SSX1: variants seen among roughly 807,000 people sequenced by gnomAD.
SSX1 encodes the protein protein SSX1.
SSX1 carries 58 observed loss-of-function variants against 14.6 expected under a neutral mutation model. That is an observed-to-expected ratio of 3.96 (90% CI 3.21 to 4.93). The LOEUF is 4.93. Ranked by LOEUF, SSX1 falls within the 30% of genes most tolerant of loss-of-function variation. The pLI, the probability that SSX1 is intolerant of heterozygous loss-of-function variation, is 0.00. For missense variants in SSX1, 272 were observed against 143.1 expected, an observed-to-expected ratio of 1.90 and a Z score of -4.60; for synonymous variants, 46 against 52.1, an observed-to-expected ratio of 0.88 and a Z score of 0.50.
At chrX:48,259,720 C>T (rs1310886415) in intron 4 of SSX1, among the ~76,000 whole-genome samples, 4 of 109,916 alleles carry the variant, frequency 3.6e-5, no homozygotes, top group African/African-American at 1.3e-4. Flanking sequence ...TTTGTTCTTG[C>T]AATAGTTTAC....
In SSX1 at chrX:48,257,842, A is replaced by G. The variant is rs782504961; in HGVS notation, c.166A>G (p.Lys56Glu). The change falls in exon 3 of 8, where the codon AAG becomes GAG. Residue 56 changes from lysine (K) to glutamate (E), a missense_variant. Coordinates refer to ENST00000376919, the MANE Select transcript of SSX1 (RefSeq NM_005635.4). ...ISYVYMKRNY[K>E]AMTKLGFKVT... is the part of the protein sequence containing the mutation. ...CTATGTGTATATGAAGAGAAACTAT[A>G]AGGCCATGACTAAACTAGGTAACAG... The G allele has an allele frequency of 8.4e-6, 10 of 1,187,748 alleles. No individual in the cohort carries two copies. Among genetic ancestry groups the G allele is most frequent in the East Asian group, 3.0e-5 (1 of 33,529 alleles).
chrX:48,263,854 G>A lies in SSX1; in HGVS notation c.403G>A (p.Asp135Asn), dbSNP rs782680032. 8.3e-6 allele frequency: 10 copies of A among 1,209,801 alleles called. No individual in the cohort carries two copies. The highest frequency in any genetic ancestry group is 1.7e-5 in the African/African-American group (1 of 57,207). ...GTCAGAAGCATCTGGCCCACAAAAC[G>A]ATGGGAAACAACTGCACCCCCCAGG... ...GVSEASGPQN[D>N]GKQLHPPGKA... Residue 135 changes from aspartate to asparagine, a missense_variant, in exon 6 of 8, where the codon GAT (aspartate) becomes AAT (asparagine). Transcript: ENST00000376919.
intron 2 of SSX1, 106 bp from the exon 3 acceptor site, chrX:48,257,640 G>A (rs1193805944): frequency 1.7e-6 from 2 of 1,144,234 alleles, no homozygotes; most frequent in East Asian, 3.2e-5. Context: ...CAACCAGGAC[G>A]GATTATCATC....
At position 48,263,777 on chromosome X, in the gene SSX1, T is replaced by A. The variant is rs781854535; in HGVS notation, c.331-5T>A. 1 of 1,211,159 alleles carries A rather than the reference T, an allele frequency of 8.3e-7. No individual in the cohort carries two copies. Among genetic ancestry groups the A allele is most frequent in the Non-Finnish European group, 1.1e-6 (1 of 895,148 alleles). The stretch of plus-strand genomic sequence containing the variant: ...CTGTTTATCTGTAACCTTCACATTA[T>A]AAAGATCATGCCCAAGAAGCCAGCA... On this transcript the variant is annotated splice_region_variant and splice_polypyrimidine_tract_variant and intron_variant, in intron 5 of 7. Transcript: ENST00000376919.
At chrX:48,261,202 T>A (rs1483165123) in intron 4 of SSX1, among the ~76,000 whole-genome samples, 1 of 111,905 alleles carries the variant, frequency 8.9e-6, no homozygotes, top group Non-Finnish European at 1.9e-5. Context: ...GTCTTCAATA[T>A]CTCTATTACT....
chrX:48,265,811 C>G (rs2059620880), intron 6 of SSX1, among the ~76,000 whole-genome samples: 2 of 111,321 alleles, frequency 1.8e-5, no homozygotes, highest in South Asian at 7.5e-4. Flanking sequence ...TTTTAAAAGA[C>G]TAAAAAACAA....
chrX:48,258,726 A>G, intron 4 of SSX1, 95 bp downstream of exon 4: 1 of 713,656 alleles, frequency 1.4e-6, no homozygotes, highest in Non-Finnish European at 2.1e-6. Context: ...TTGTTCCCTC[A>G]TACACATCAG....
intron 4 of SSX1, among the ~76,000 whole-genome samples, chrX:48,260,705 T>A (rs1473718069): frequency 9.0e-6 from 1 of 111,136 alleles, no homozygotes; most frequent in Admixed American, 9.7e-5. Flanking sequence ...TCACAAGCAT[T>A]CTTATACACC....
Position 48,267,346 on chromosome X carries a change from G to C in SSX1, c.*497G>C. 5.2e-6 allele frequency: 1 copy of C among 191,743 alleles called. No homozygotes were observed. The allele number at this position is 191,743 out of a possible 1,213,427, so 15.8% of individuals were successfully genotyped here. A position where few individuals can be genotyped will look rare whatever the true frequency, so the allele number is the denominator to read the frequency against. ...GCTTTTCCCATTGCCATGCGTCCTGGTCAAGCCCCCCTCACTCTGTTTCCT... is the reference window on the plus strand; with the variant it reads ...GCTTTTCCCATTGCCATGCGTCCTGCTCAAGCCCCCCTCACTCTGTTTCCT... On this transcript the variant is annotated 3_prime_UTR_variant, in exon 8 of 8. Transcript: ENST00000376919.
At chrX:48,264,796 A>G (rs2059617685) in intron 6 of SSX1, among the ~76,000 whole-genome samples, 1 of 112,884 alleles carries the variant, frequency 8.9e-6, no homozygotes. Flanking sequence ...TTTAGATGGC[A>G]TCTACTTCCG....
intron 6 of SSX1, 88 bp downstream of exon 6, chrX:48,264,005 C>T (rs782396840): frequency 1.7e-6 from 2 of 1,152,534 alleles, no homozygotes; most frequent in Non-Finnish European, 2.3e-6. Context: ...GGATCCCAGA[C>T]AAGCCTGGGT....
At chrX:48,259,468 T>C (rs1265084802) in intron 4 of SSX1, among the ~76,000 whole-genome samples, 1 of 111,579 alleles carries the variant, frequency 9.0e-6, no homozygotes, top group Non-Finnish European at 1.9e-5. Flanking sequence ...TTTTTTATTA[T>C]ACTTTAAGTT....
Position 48,256,548 on chromosome X carries a change from G to A in SSX1, c.-20-674G>A, listed in dbSNP as rs183002153. Among the ~76,000 whole-genome samples, 123 of 93,357 alleles carry A rather than the reference G, an allele frequency of 1.3e-3. 1 individual carries two copies. Among genetic ancestry groups the A allele is most frequent in the African/African-American group, 4.8e-3 (120 of 24,809 alleles). The allele number at this position is 93,357 out of a possible 115,157, so 81.1% of individuals were successfully genotyped here. A position where few individuals can be genotyped will look rare whatever the true frequency, so the allele number is the denominator to read the frequency against. ...CCTCCTGGGCTCAAGAGATCTGCAC[G>A]CCTCGGCCTCCCAAAATGCTGGGAT... On this transcript the variant is annotated intron_variant, in intron 1 of 7. Coordinates refer to ENST00000376919, the MANE Select transcript of SSX1 (RefSeq NM_005635.4).
intron 1 of SSX1, among the ~76,000 whole-genome samples, chrX:48,256,366 G>A (rs1213520819): frequency 4.7e-5 from 5 of 105,910 alleles, no homozygotes; most frequent in African/African-American, 6.9e-5. Flanking sequence ...TATCAACCTC[G>A]TGGGCTCAAG....
chrX:48,263,763 T>A lies in SSX1; in HGVS notation c.331-19T>A, dbSNP rs1373219965. On this transcript the variant is annotated intron_variant, in intron 5 of 7. Coordinates refer to ENST00000376919, the MANE Select transcript of SSX1 (RefSeq NM_005635.4). ...AAATGTCACTGATACTGTTTATCTGTAACCTTCACATTATAAAGATCATGC... is the reference window on the plus strand; with the variant it reads ...AAATGTCACTGATACTGTTTATCTGAAACCTTCACATTATAAAGATCATGC... The A allele has an allele frequency of 8.3e-7, 1 of 1,210,695 alleles. No individual in the cohort carries two copies. The highest frequency in any genetic ancestry group is 3.0e-5 in the East Asian group (1 of 33,825).
intron 4 of SSX1, among the ~76,000 whole-genome samples, chrX:48,259,277 G>A (rs1349876816): frequency 3.6e-5 from 4 of 111,941 alleles, no homozygotes; most frequent in Non-Finnish European, 7.5e-5. Flanking sequence ...GATTACAGGC[G>A]TGAGCCACTG....
Position 48,263,841 on chromosome X carries a change from TG to T in SSX1, c.392del (p.Gly131AlafsTer45). On this transcript the variant is annotated frameshift_variant, in exon 6 of 8. Coordinates refer to ENST00000376919, the MANE Select transcript of SSX1 (RefSeq NM_005635.4). LOFTEE classifies it high-confidence loss of function. ...NDSKGVSEAS[G>X]PQNDGKQLHP... is the part of the protein sequence containing the mutation. ...ATTCGAAGGGAGTGTCAGAAGCATCTGGCCCACAAAACGATGGGAAACAACT... is the reference window on the plus strand; with the variant it reads ...ATTCGAAGGGAGTGTCAGAAGCATCTGCCCACAAAACGATGGGAAACAACT... 1 of 1,211,817 alleles carries T rather than the reference TG, an allele frequency of 8.3e-7. No individual in the cohort carries two copies. The highest frequency in any genetic ancestry group is 1.1e-6 in the Non-Finnish European group (1 of 895,423).
intron 5 of SSX1, 143 bp downstream of exon 5, chrX:48,261,958 G>A (rs1601948221): frequency 1.5e-6 from 1 of 653,050 alleles, no homozygotes; most frequent in Non-Finnish European, 2.3e-6. Flanking sequence ...TAGCACCGAC[G>A]GCTTGATAAT....
At chrX:48,264,670 G>A (rs1263604077) in intron 6 of SSX1, among the ~76,000 whole-genome samples, 1 of 111,791 alleles carries the variant, frequency 8.9e-6, no homozygotes, top group Non-Finnish European at 1.9e-5. Flanking sequence ...TTGCCACATC[G>A]ATTAGCTCTC....
Sources: allele counts gnomAD v4.1 joint callset (sites outside exome capture counted in the v4.1 genomes callset), GRCh38; gene constraint gnomAD v4.1.1; transcripts MANE v1.5; gene names NCBI Gene and HGNC (gene_info 2026-07-23, HGNC 2026-07-21).